Variants in PHYH observed in about 807,000 individuals in gnomAD.
The protein encoded by PHYH is phytanoyl-CoA dioxygenase, peroxisomal.
Under a neutral mutation model 38.5 loss-of-function variants are expected in PHYH, and 32 were observed. The observed-to-expected ratio is 0.83, with a 90% CI of 0.63 to 1.12. PHYH has a LOEUF of 1.12. Among genes scored for constraint, PHYH ranks in the 50% most tolerant of loss-of-function variants. The pLI is 0.00. For synonymous variants in PHYH, 166 were observed against 157.9 expected (o/e 1.05, Z -0.38); for missense variants, 426 against 434.8 (o/e 0.98, Z 0.18).
intron 6 of PHYH, among the ~76,000 whole-genome samples, chr10:13,285,429 C>G (rs1835523392): frequency 6.6e-6 from 1 of 152,056 alleles, no homozygotes; most frequent in South Asian, 2.1e-4. Context: ...AGTGATCCAC[C>G]CGCCACGGCC....
chr10:13,278,103 C>G lies in PHYH; in HGVS notation c.*198G>C. On this transcript the variant is annotated 3_prime_UTR_variant, in exon 9 of 9. Transcript: ENST00000263038. The stretch of plus-strand genomic sequence containing the variant: ...TTTTCCTTAAAACAGTAATATTTCA[C>G]TTTTACTGTTTTTTTTTTCCATTAA... The G allele has an allele frequency of 1.9e-6, 1 of 527,720 alleles. No homozygotes were observed. The allele number at this position is 527,720 out of a possible 1,614,324, so 32.7% of individuals were successfully genotyped here. A position where few individuals can be genotyped will look rare whatever the true frequency, so the allele number is the denominator to read the frequency against.
chr10:13,290,504 T>G (rs547411127), intron 5 of PHYH, among the ~76,000 whole-genome samples: 82 of 130,130 alleles, frequency 6.3e-4, no homozygotes, highest in African/African-American at 2.2e-3. Context: ...CTCCTGCAGA[T>G]CAGAAGGAAG....
chr10:13,299,890 C>T, intron 1 of PHYH, 78 bp downstream of exon 1: 2 of 1,457,824 alleles, frequency 1.4e-6, no homozygotes, highest in Non-Finnish European at 1.8e-6. Flanking sequence ...CCGAGGCCTC[C>T]ACCCGGACCA....
At chr10:13,288,308 CAG>C (rs1351761971) in intron 6 of PHYH, 50 bp downstream of exon 6, 48 of 1,529,276 alleles carry the variant, frequency 3.1e-5, no homozygotes, top group Non-Finnish European at 4.2e-5. Context: ...TGATGTGAAA[CAG>C]AAACTGCGAA....
At chr10:13,298,718 CACT>C (rs56043624) in intron 1 of PHYH, among the ~76,000 whole-genome samples, 1,940 of 93,432 alleles carry the variant, frequency 0.021, 48 homozygotes, top group East Asian at 0.12. Flanking sequence ...AAACTACCAC[CACT>C]ACTACTACTA....
At chr10:13,298,767 A>ACTACTG (rs1554785641) in intron 1 of PHYH, among the ~76,000 whole-genome samples, 14,098 of 111,748 alleles carry the variant, frequency 0.13, 861 homozygotes, top group Middle Eastern at 0.18. Flanking sequence ...TACTACTGCT[A>ACTACTG]CTACTACTAC....
chr10:13,283,802 T>C lies in PHYH; in HGVS notation c.716A>G (p.Tyr239Cys), dbSNP rs752334658. The change falls in exon 7 of 9, where the codon TAC (tyrosine) becomes TGC (cysteine). Residue 239 changes from tyrosine (Y) to cysteine (C), a missense_variant. Coordinates refer to ENST00000263038, the MANE Select transcript of PHYH (RefSeq NM_006214.4). ...VNKMFHGIQD[Y>C]EENKARVHLV... ...GTGCACCCGGGCCTTGTTTTCCTCG[T>C]AGTCCTGGATCCCGTGGAACATTTT... The C allele has an allele frequency of 5.0e-6, 8 of 1,613,976 alleles. No individual in the cohort carries two copies. The highest frequency in any genetic ancestry group is 6.8e-6 in the Non-Finnish European group (8 of 1,179,896).
At chr10:13,285,007 A>G (rs1240188035) in intron 6 of PHYH, among the ~76,000 whole-genome samples, 3 of 152,156 alleles carry the variant, frequency 2.0e-5, no homozygotes, top group South Asian at 2.1e-4. Context: ...AAGCCCTGCA[A>G]ACTTTTCCCT....
At chr10:13,287,179 A>G (rs931675689) in intron 6 of PHYH, among the ~76,000 whole-genome samples, 15 of 152,066 alleles carry the variant, frequency 9.9e-5, no homozygotes, top group African/African-American at 3.6e-4. Flanking sequence ...TCTCTACTAA[A>G]AATACAAAAA....
intron 1 of PHYH, among the ~76,000 whole-genome samples, chr10:13,299,086 C>T (rs1647474098): frequency 1.4e-5 from 2 of 147,526 alleles, no homozygotes; most frequent in African/African-American, 5.0e-5. Context: ...GAGATCGTAC[C>T]ACTACTGCAC....
chr10:13,283,865 A>T, intron 6 of PHYH, 26 bp from the exon 7 acceptor site: 1 of 1,598,724 alleles, frequency 6.3e-7, no homozygotes. Context: ...AGTGAAGTCT[A>T]CATTTGAGGG....
At chr10:13,281,339 T>G (rs563264113) in intron 7 of PHYH, among the ~76,000 whole-genome samples, 1 of 152,092 alleles carries the variant, frequency 6.6e-6, no homozygotes, top group Non-Finnish European at 1.5e-5. Context: ...AGATGTGACA[T>G]GTATTTTTGA....
intron 5 of PHYH, among the ~76,000 whole-genome samples, chr10:13,289,830 C>CT (rs2131642866): frequency 6.6e-6 from 1 of 150,790 alleles, no homozygotes; most frequent in East Asian, 2.0e-4. Context: ...ACTTGGAAGG[C>CT]TGAGGGCTGA....
intron 5 of PHYH, among the ~76,000 whole-genome samples, chr10:13,290,687 C>A (rs558196825): frequency 6.6e-6 from 1 of 152,260 alleles, no homozygotes; most frequent in East Asian, 1.9e-4. Context: ...AGGTGCACAT[C>A]CACGCCCAGC....
At chr10:13,285,279 G>T (rs1297692760) in intron 6 of PHYH, among the ~76,000 whole-genome samples, 1 of 151,832 alleles carries the variant, frequency 6.6e-6, no homozygotes, top group African/African-American at 2.4e-5. Context: ...CATCTCCCAG[G>T]TTCAGGCAAT....
chr10:13,299,194 C>T (rs1044238996), intron 1 of PHYH, among the ~76,000 whole-genome samples: 5 of 151,554 alleles, frequency 3.3e-5, no homozygotes, highest in Non-Finnish European at 5.9e-5. Context: ...CCTTTCTATC[C>T]GGTAACTGCA....
chr10:13,290,366 G>T (rs1345760675), intron 5 of PHYH, among the ~76,000 whole-genome samples: 1 of 152,110 alleles, frequency 6.6e-6, no homozygotes, highest in Admixed American at 6.6e-5. Flanking sequence ...TCCATGTCCA[G>T]TCGGAGTGCC....
At position 13,278,306 on chromosome 10, in the gene PHYH, G is replaced by C; in HGVS notation, c.1012C>G (p.Leu338Val). The change falls in exon 9 of 9, where the codon CTT becomes GTT. Residue 338 changes from leucine (L) to valine (V), a missense_variant. Leu to Val is a conservative substitution (Grantham distance 32, BLOSUM62 1). Transcript: ENST00000263038. The part of the protein sequence containing the change: ...ARLVKGERTN[L>V] ...AGTTATAGCAGATGGCTATTTCAAA[G>C]ATTGGTTCTTTCTCCTTTCACAAGT... 6.2e-7 allele frequency: 1 copy of C among 1,608,258 alleles called. No homozygotes were observed. The highest frequency in any genetic ancestry group is 8.5e-7 in the Non-Finnish European group (1 of 1,174,884).
Position 13,298,230 on chromosome 10 carries a change from A to G in PHYH, c.91T>C (p.Ser31Pro). Reference sequence around the variant, plus strand: ...AAACTGGCAGAGGAAATAGTCCCTGAAGTGGGATGAGCTACCTAGGATGTG... The same window carrying G: ...AAACTGGCAGAGGAAATAGTCCCTGGAGTGGGATGAGCTACCTAGGATGTG... ...SAGAVVAHPTSGTISSASFHP... is the reference protein window; with the variant it reads ...SAGAVVAHPTPGTISSASFHP... Residue 31 changes from serine to proline, a missense_variant, in exon 2 of 9, where the codon TCA becomes CCA. Physicochemically the swap from Ser to Pro is moderately conservative, Grantham distance 74. Transcript: ENST00000263038. 1.2e-6 allele frequency: 2 copies of G among 1,605,172 alleles called. No homozygotes were observed. The highest frequency in any genetic ancestry group is 1.7e-6 in the Non-Finnish European group (2 of 1,171,902).
Sources: gnomAD v4.1 joint callset for allele counts (sites outside exome capture counted in the v4.1 genomes callset) on GRCh38, gnomAD v4.1.1 for gene constraint, MANE v1.5 for transcripts, NCBI Gene and HGNC (gene_info 2026-07-23, HGNC 2026-07-21) for gene names.